LIN28B: variants seen among roughly 807,000 people sequenced by gnomAD.
LIN28B encodes protein lin-28 homolog B.
LIN28B carries 5 observed loss-of-function variants against 21.9 expected under a neutral mutation model. The observed-to-expected ratio is 0.23, with a 90% confidence interval of 0.12 to 0.48. The LOEUF (loss-of-function observed/expected upper bound fraction) is 0.48, where lower values mean the gene tolerates loss of function less well. Among genes scored for constraint, LIN28B ranks in the 20% least tolerant of loss-of-function variants. LIN28B has a pLI of 0.98. For missense variants in LIN28B, 245 were observed against 310.5 expected (o/e 0.79, Z 1.58); for synonymous variants, 109 against 111.3 (o/e 0.98, Z 0.13).
intron 2 of LIN28B, among the ~76,000 whole-genome samples, chr6:104,970,061 G>A (rs1769942903): frequency 6.6e-6 from 1 of 152,164 alleles, no homozygotes; most frequent in African/African-American, 2.4e-5. Flanking sequence ...GGGATGGTGT[G>A]TGTATCTGTA....
intron 2 of LIN28B, among the ~76,000 whole-genome samples, chr6:105,021,732 T>A (rs1286567463): frequency 6.6e-6 from 1 of 152,216 alleles, no homozygotes; most frequent in Non-Finnish European, 1.5e-5. Flanking sequence ...ACCTGTCAGA[T>A]AACTAATTTG....
intron 3 of LIN28B, among the ~76,000 whole-genome samples, chr6:105,044,710 T>C (rs1166668226): frequency 6.6e-6 from 1 of 152,184 alleles, no homozygotes. Flanking sequence ...TTAAAAAATA[T>C]TTTCATTTCA....
intron 2 of LIN28B, among the ~76,000 whole-genome samples, chr6:104,994,925 C>A (rs2114278037): frequency 6.6e-6 from 1 of 152,308 alleles, no homozygotes; most frequent in African/African-American, 2.4e-5. Flanking sequence ...TGCTGTATTG[C>A]AGACTGAGTT....
At chr6:104,968,319 G>A (rs891130660) in intron 2 of LIN28B, among the ~76,000 whole-genome samples, 1 of 152,128 alleles carries the variant, frequency 6.6e-6, no homozygotes, top group Non-Finnish European at 1.5e-5. Context: ...AAGATAAAAA[G>A]CAAATATTAG....
chr6:104,952,929 G>A (rs1010991290), upstream of LIN28B, among the ~76,000 whole-genome samples: 3 of 152,164 alleles, frequency 2.0e-5, no homozygotes, highest in Non-Finnish European at 2.9e-5. Context: ...ATAGAATTTT[G>A]CTTTTTGGAA....
At chr6:105,073,169 G>A (rs942792969) in intron 3 of LIN28B, among the ~76,000 whole-genome samples, 1 of 151,980 alleles carries the variant, frequency 6.6e-6, no homozygotes, top group Non-Finnish European at 1.5e-5. Flanking sequence ...CAGTTGATTG[G>A]CACACAATTT....
chr6:105,078,636 A>G lies in LIN28B; in HGVS notation c.606A>G (p.Thr202=), dbSNP rs189247879. 12 of 1,614,154 alleles carry G rather than the reference A, an allele frequency of 7.4e-6. No homozygotes were observed. The highest frequency in any genetic ancestry group is 1.0e-5 in the Non-Finnish European group (12 of 1,180,036). The change falls in exon 4 of 4, where the codon ACA becomes ACG. Residue 202 remains threonine (T), a synonymous_variant. Transcript: ENST00000345080. ...PREVGGGHGC[T]SPPFPQEARA... ...AAGTGGGAGGCGGGCATGGCTGTACATCACCACCGTTTCCTCAGGAGGCTA... is the reference window on the plus strand; with the variant it reads ...AAGTGGGAGGCGGGCATGGCTGTACGTCACCACCGTTTCCTCAGGAGGCTA...
chr6:105,001,503 A>G (rs555484482), intron 2 of LIN28B, among the ~76,000 whole-genome samples: 3 of 152,328 alleles, frequency 2.0e-5, no homozygotes, highest in African/African-American at 7.2e-5. Context: ...ATCGCTATTT[A>G]TATGCTTTTT....
intron 2 of LIN28B, among the ~76,000 whole-genome samples, chr6:104,960,003 A>G (rs1404494732): frequency 1.3e-5 from 2 of 152,166 alleles, no homozygotes; most frequent in African/African-American, 2.4e-5. Context: ...ATACTATTTA[A>G]TGATTATATA....
chr6:104,982,628 A>T (rs77271353), intron 2 of LIN28B, among the ~76,000 whole-genome samples: 15,040 of 152,170 alleles, frequency 0.099, 788 homozygotes, highest in Middle Eastern at 0.11. Context: ...CACCCCTCCC[A>T]TTTTGAGAAA....
At position 105,080,104 on chromosome 6, in the gene LIN28B, G is replaced by A. The variant is rs1772513216; in HGVS notation, c.*1321G>A. 6.6e-6 allele frequency: 1 copy of A among 152,444 alleles called. No individual in the cohort carries two copies. The highest frequency in any genetic ancestry group is 1.5e-5 in the Non-Finnish European group (1 of 68,052). 9.4% of individuals were successfully genotyped at this position (152,444 alleles called of 1,614,324 possible). ...GTAACCTATATGGTGGATACAGGAT[G>A]AACATTCAGTGCCAGGGAGAATCTT... is the stretch of plus-strand genomic sequence containing the variant. On this transcript the variant is annotated 3_prime_UTR_variant, in exon 4 of 4. Transcript: ENST00000345080.
chr6:105,017,381 C>A lies in LIN28B; in HGVS notation c.199-8917C>A, dbSNP rs1027005843. Among the ~76,000 whole-genome samples the A allele has an allele frequency of 4.6e-5, 7 of 152,146 alleles. 1 individual carries two copies. Among genetic ancestry groups the A allele is most frequent in the Admixed American group, 4.6e-4 (7 of 15,272 alleles). ...ACATGTTTGTCTTCTCCCACCTCTT[C>A]CATCTCTGTGTCAGCAGATAGGGAA... On this transcript the variant is annotated intron_variant, in intron 2 of 3. Coordinates refer to ENST00000345080, the MANE Select transcript of LIN28B (RefSeq NM_001004317.4).
chr6:104,953,174 C>T (rs1326572766), upstream of LIN28B, among the ~76,000 whole-genome samples: 1 of 152,094 alleles, frequency 6.6e-6, no homozygotes, highest in South Asian at 2.1e-4. Flanking sequence ...GAAAATCGCC[C>T]CCAGCCTTGC....
intron 2 of LIN28B, 29 bp from the exon 3 acceptor site, chr6:105,026,269 T>C (rs1386164967): frequency 7.5e-7 from 1 of 1,326,340 alleles, no homozygotes; most frequent in East Asian, 2.4e-5. Flanking sequence ...TCTCTCTTTT[T>C]CTCCCCCACC....
At chr6:105,031,845 A>G (rs545632742) in intron 3 of LIN28B, among the ~76,000 whole-genome samples, 2 of 152,122 alleles carry the variant, frequency 1.3e-5, no homozygotes, top group Non-Finnish European at 2.9e-5. Flanking sequence ...ATGAATTTTA[A>G]CACACATATA....
intron 2 of LIN28B, among the ~76,000 whole-genome samples, chr6:104,994,309 A>G (rs1400077672): frequency 6.6e-6 from 1 of 152,230 alleles, no homozygotes; most frequent in Non-Finnish European, 1.5e-5. Flanking sequence ...TGACCGATAA[A>G]AACATTTTTT....
intron 2 of LIN28B, among the ~76,000 whole-genome samples, chr6:104,938,877 C>G (rs1778046499): frequency 6.6e-6 from 1 of 151,896 alleles, no homozygotes; most frequent in African/African-American, 2.4e-5. Flanking sequence ...ATGATGATAA[C>G]TAGTTTGAAA....
chr6:104,967,791 A>G (rs1283481982), intron 2 of LIN28B, among the ~76,000 whole-genome samples: 2 of 151,900 alleles, frequency 1.3e-5, no homozygotes, highest in Non-Finnish European at 2.9e-5. Context: ...CAATTATCCA[A>G]CCTGAGCCTT....
chr6:105,056,574 C>G lies in LIN28B; in HGVS notation c.384-21840C>G, dbSNP rs544642299. On this transcript the variant is annotated intron_variant, in intron 3 of 3. Transcript: ENST00000345080. ...GGCCAGGCCAGAACTCCAGTATCTCCCAGCATTTTGTGGCCTTGGATATTT... is the reference window on the plus strand; with the variant it reads ...GGCCAGGCCAGAACTCCAGTATCTCGCAGCATTTTGTGGCCTTGGATATTT... 2.0e-5 allele frequency among the ~76,000 whole-genome samples: 3 copies of G among 152,182 alleles called. No homozygotes were observed. In the East Asian group the frequency reaches 5.8e-4, roughly 29 times the overall value.
Sources: gnomAD v4.1 joint callset for allele counts (sites outside exome capture counted in the v4.1 genomes callset) on GRCh38, gnomAD v4.1.1 for gene constraint, MANE v1.5 for transcripts, NCBI Gene and HGNC (gene_info 2026-07-23, HGNC 2026-07-21) for gene names.